The following IFRD1 variants were observed in gnomAD, a reference collection of about 807,000 sequenced individuals.
IFRD1 encodes the protein interferon related developmental regulator 1.
Under a neutral mutation model 52.9 loss-of-function variants are expected in IFRD1, and 35 were observed. The ratio of observed to expected loss-of-function variants is 0.66; its 90% CI spans 0.51 to 0.88. The LOEUF (loss-of-function observed/expected upper bound fraction) is 0.88. Among genes scored for constraint, IFRD1 ranks in the 40% least tolerant of loss-of-function variants. IFRD1 has a pLI of 0.00. For missense variants in IFRD1, 517 were observed against 550.8 expected (o/e 0.94, Z 0.61); for synonymous variants, 184 against 188.4 (o/e 0.98, Z 0.19).
chr7:112,442,033 C>T (rs1027225543), intron 1 of IFRD1, among the ~76,000 whole-genome samples: 6 of 152,200 alleles, frequency 3.9e-5, no homozygotes, highest in African/African-American at 1.4e-4. Flanking sequence ...ATACATTCCT[C>T]ATTCATATAG....
chr7:112,460,241 G>GTT (rs35314166), intron 5 of IFRD1, among the ~76,000 whole-genome samples: 2,719 of 93,158 alleles, frequency 0.029, 56 homozygotes, highest in East Asian at 0.081. Context: ...CAGTCCTAGG[G>GTT]TTTTTTTTTT....
intron 1 of IFRD1, among the ~76,000 whole-genome samples, chr7:112,440,743 C>CA (rs939832410): frequency 6.6e-6 from 1 of 152,008 alleles, no homozygotes; most frequent in African/African-American, 2.4e-5. Context: ...AGACACTAAT[C>CA]AAAAAAACAG....
upstream of IFRD1, among the ~76,000 whole-genome samples, chr7:112,448,707 T>C (rs1240615156): frequency 1.3e-5 from 2 of 152,128 alleles, no homozygotes; most frequent in African/African-American, 2.4e-5. Context: ...GAGTAGGCCG[T>C]GTGGGGAGGT....
At chr7:112,466,461 T>C (rs1358881344) in intron 8 of IFRD1, among the ~76,000 whole-genome samples, 2 of 152,168 alleles carry the variant, frequency 1.3e-5, no homozygotes, top group Non-Finnish European at 2.9e-5. Flanking sequence ...TTTGTCATTG[T>C]AGGGGTGGGG....
At chr7:112,459,138 C>A in intron 5 of IFRD1, 120 bp downstream of exon 5, 1 of 863,668 alleles carries the variant, frequency 1.2e-6, no homozygotes, top group Non-Finnish European at 1.9e-6. Flanking sequence ...CTTGTAAGTC[C>A]AGGAGTTTGA....
rs749396941 is a variant in IFRD1 at position 112,450,664 on chromosome 7, T to A, written c.-25T>A. 2.5e-6 allele frequency: 4 copies of A among 1,592,540 alleles called. No homozygotes were observed. In the South Asian group the frequency reaches 4.4e-5, roughly 18 times the overall value. Reference sequence around the variant, plus strand: ...CGGCTGATCCTCGCTAAGCTCCGACTCTGGGCGGCACCGGGCGTCCCACGA... The same window carrying A: ...CGGCTGATCCTCGCTAAGCTCCGACACTGGGCGGCACCGGGCGTCCCACGA... On this transcript the variant is annotated 5_prime_UTR_variant, in exon 1 of 12. Coordinates refer to ENST00000403825, the MANE Select transcript of IFRD1 (RefSeq NM_001550.4).
At chr7:112,455,172 G>A (rs1450577186) in intron 1 of IFRD1, among the ~76,000 whole-genome samples, 1 of 151,276 alleles carries the variant, frequency 6.6e-6, no homozygotes, top group Admixed American at 6.6e-5. Flanking sequence ...CTTTGTATCA[G>A]TTTTTGTGTC....
rs757207686 is a variant in IFRD1, at chr7:112,458,983, T to A, written c.532T>A (p.Cys178Ser). ...TGGACCAATCCTAAAGAAAATCATT[T>A]GTGATGGGTCAGCTAGTATGCAGGC... The part of the protein sequence containing the change: ...TLGPILKKII[C>S]DGSASMQARQ... The change falls in exon 5 of 12, where the codon TGT (cysteine) becomes AGT (serine). Residue 178 changes from cysteine (C) to serine (S), a missense_variant. Coordinates refer to ENST00000403825, the MANE Select transcript of IFRD1 (RefSeq NM_001550.4). 2 of 1,613,870 alleles carry A rather than the reference T, an allele frequency of 1.2e-6. No individual in the cohort carries two copies. The highest frequency in any genetic ancestry group is 1.1e-5 in the South Asian group (1 of 91,082).
At chr7:112,446,597 C>A (rs765995286), upstream of IFRD1, among the ~76,000 whole-genome samples, 26 of 151,940 alleles carry the variant, frequency 1.7e-4, no homozygotes, top group Non-Finnish European at 2.6e-4. Flanking sequence ...GAGGATGCGA[C>A]CTTAGAATGG....
intron 1 of IFRD1, chr7:112,435,759 G>A (rs887296295): frequency 1.3e-5 from 2 of 151,606 alleles, no homozygotes; most frequent in Admixed American, 6.6e-5. Flanking sequence ...TATTTATCTG[G>A]TCAGGTTTTA....
chr7:112,459,485 T>A (rs1795379105), intron 5 of IFRD1, among the ~76,000 whole-genome samples: 1 of 150,052 alleles, frequency 6.7e-6, no homozygotes, highest in Non-Finnish European at 1.5e-5. Flanking sequence ...TGAGGTGGTC[T>A]TAGTGGATTT....
chr7:112,448,921 C>T (rs986159356), upstream of IFRD1, among the ~76,000 whole-genome samples: 29 of 152,086 alleles, frequency 1.9e-4, no homozygotes, highest in African/African-American at 6.5e-4. Flanking sequence ...AGAAGAGAGC[C>T]GTGTATTGGA....
At chr7:112,432,165 C>A (rs914220306) in intron 1 of IFRD1, among the ~76,000 whole-genome samples, 1 of 152,176 alleles carries the variant, frequency 6.6e-6, no homozygotes, top group Admixed American at 6.5e-5. Context: ...TTGTTTTGAG[C>A]ATCAAAAATC....
intron 8 of IFRD1, among the ~76,000 whole-genome samples, chr7:112,463,697 CAGT>C (rs1258100801): frequency 4.6e-5 from 7 of 151,990 alleles, no homozygotes; most frequent in Admixed American, 4.6e-4. Flanking sequence ...CCAGAAATGG[CAGT>C]TTCTTTTCTT....
chr7:112,424,711 G>A (rs892763121), intron 1 of IFRD1, among the ~76,000 whole-genome samples: 1 of 152,130 alleles, frequency 6.6e-6, no homozygotes, highest in Admixed American at 6.5e-5. Context: ...CACCGTGCCA[G>A]GCCTGTTTCA....
rs1375591695 is a variant in IFRD1, at chr7:112,475,237, T to C, written c.1267-193T>C. On this transcript the variant is annotated intron_variant, in intron 11 of 11. Coordinates refer to ENST00000403825, the MANE Select transcript of IFRD1 (RefSeq NM_001550.4). The stretch of plus-strand genomic sequence containing the variant: ...CCTCCCAGAGTGCTGGGATTACAGG[T>C]GTGAGCCACCTTGCATGGCCCCTGT... Among the ~76,000 whole-genome samples the C allele has an allele frequency of 3.3e-5, 5 of 152,308 alleles. No homozygotes were observed. The East Asian group carries it at 5.8e-4, about 18-fold the overall frequency.
rs1358058408 is a variant in IFRD1, at chr7:112,450,720, A to T, written c.32A>T (p.His11Leu). The T allele has an allele frequency of 6.2e-7, 1 of 1,612,490 alleles. No homozygotes were observed. Among genetic ancestry groups the T allele is most frequent in the Non-Finnish European group, 8.5e-7 (1 of 1,179,788 alleles). The change falls in exon 1 of 12, where the codon CAC becomes CTC. Residue 11 changes from histidine (H) to leucine (L), a missense_variant. Coordinates refer to ENST00000403825, the MANE Select transcript of IFRD1 (RefSeq NM_001550.4). MPKNKKRNTPHRGSSAGGGGS... is the reference protein window; with the variant it reads MPKNKKRNTPLRGSSAGGGGS... ...AAGAACAAGAAGCGGAACACTCCCC[A>T]CCGCGGTAGCAGTGCTGGCGGCGGC...
rs543679782 is a variant in IFRD1 at position 112,472,442 on chromosome 7, A to C, written c.1170+95A>C. On this transcript the variant is annotated intron_variant, in intron 10 of 11. Coordinates refer to ENST00000403825, the MANE Select transcript of IFRD1 (RefSeq NM_001550.4). ...GGCTTTTGAAATTAATTAGGTATCC[A>C]GAGTGCTTCCACATGTTAGAAAACA... The C allele has an allele frequency of 1.1e-4, 151 of 1,331,102 alleles. 2 individuals carry two copies. In the South Asian group the frequency reaches 1.7e-3, roughly 15 times the overall value. The allele number at this position is 1,331,102 out of a possible 1,614,324, so 82.5% of individuals were successfully genotyped here. A position where few individuals can be genotyped will look rare whatever the true frequency, so the allele number is the denominator to read the frequency against.
upstream of IFRD1, among the ~76,000 whole-genome samples, chr7:112,447,759 C>G (rs539235587): frequency 1.3e-5 from 2 of 152,272 alleles, no homozygotes; most frequent in South Asian, 4.1e-4. Flanking sequence ...AGACCACTGT[C>G]CCATGAGGAG....
Sources: gnomAD v4.1 joint callset for allele counts (sites outside exome capture counted in the v4.1 genomes callset) on GRCh38, gnomAD v4.1.1 for gene constraint, MANE v1.5 for transcripts, NCBI Gene and HGNC (gene_info 2026-07-23, HGNC 2026-07-21) for gene names.